Variants in MICAL3 observed in about 807,000 individuals in gnomAD.
MICAL3 encodes the protein microtubule associated monooxygenase, calponin and LIM domain containing 3, also known as [F-actin]-monooxygenase MICAL3.
A neutral mutation model predicts 207.4 loss-of-function variants in MICAL3; 62 were observed. The ratio of observed to expected loss-of-function variants is 0.30; its 90% CI spans 0.24 to 0.37. The LOEUF (loss-of-function observed/expected upper bound fraction) is 0.37, where lower values mean the gene tolerates loss of function less well. Among genes scored for constraint, MICAL3 ranks in the 10% least tolerant of loss-of-function variants. The probability of loss-of-function intolerance (pLI) is 1.00; values close to 1 mark genes in which losing one functional copy is unlikely to be tolerated. For missense variants in MICAL3, 2,368 were observed against 2,635.6 expected, an observed-to-expected ratio of 0.90 and a Z score of 2.22; for synonymous variants, 1,077 against 1,069.3, an observed-to-expected ratio of 1.01 and a Z score of -0.14.
chr22:17,787,727 G>A lies in MICAL3; in HGVS notation c.*3005C>T, dbSNP rs1185186259. 2 of 152,208 alleles carry A rather than the reference G, an allele frequency of 1.3e-5. No individual in the cohort carries two copies. The highest frequency in any genetic ancestry group is 4.8e-5 in the African/African-American group (2 of 41,458). 9.4% of individuals were successfully genotyped at this position (152,208 alleles called of 1,614,324 possible). A position where few individuals can be genotyped will look rare whatever the true frequency, so the allele number is the denominator to read the frequency against. On this transcript the variant is annotated 3_prime_UTR_variant, in exon 32 of 32. Transcript: ENST00000441493. ...CAGATGTTACCACCTTTAAAAAAAT[G>A]TTTTTTAACTCTCCTTTCTGTCCCA...
chr22:17,884,152 A>C, intron 16 of MICAL3: 1 of 576,258 alleles, frequency 1.7e-6, no homozygotes, highest in Non-Finnish European at 3.0e-6. Flanking sequence ...TCGAATGAGC[A>C]GAGATTTCCT....
intron 26 of MICAL3, 56 bp downstream of exon 26, chr22:17,817,255 A>G (rs1327427276): frequency 2.0e-5 from 30 of 1,484,854 alleles, no homozygotes; most frequent in Non-Finnish European, 2.6e-5. Context: ...CAGTGACCCC[A>G]GCCCCTCCCG....
At chr22:17,875,520 T>C in intron 16 of MICAL3, 1 of 1,553,168 alleles carries the variant, frequency 6.4e-7, no homozygotes, top group East Asian at 2.4e-5. Flanking sequence ...CTCCCACTGG[T>C]CGACAAAAAA....
chr22:17,838,032 T>C (rs1272551776), intron 20 of MICAL3, among the ~76,000 whole-genome samples: 1 of 152,176 alleles, frequency 6.6e-6, no homozygotes, highest in African/African-American at 2.4e-5. Context: ...CTTGAACTCC[T>C]AGACACAAGC....
At chr22:17,946,919 G>A (rs1181487257) in intron 1 of MICAL3, among the ~76,000 whole-genome samples, 1 of 150,984 alleles carries the variant, frequency 6.6e-6, no homozygotes, top group Non-Finnish European at 1.5e-5. Flanking sequence ...TGAACCACAT[G>A]ATACCCCTTC....
In MICAL3 at chr22:17,823,028, C is replaced by T; in HGVS notation, c.3226G>A (p.Val1076Met). The change falls in exon 23 of 32, where the codon GTG becomes ATG. Residue 1076 changes from valine to methionine, a missense_variant. Around this residue, in one of 4 missense-constraint regions of MICAL3, gnomAD observed 1,770 missense variants for 1,863.2 expected, o/e 0.95. Coordinates refer to ENST00000441493, the MANE Select transcript of MICAL3 (RefSeq NM_015241.3). ...PLDENDLEED[V>M]DSEPAEIEGE... ...TCTATCTCGGCTGGTTCTGAGTCCA[C>T]ATCTTCCTCTAGGTCATTCTCATCC... 1 of 1,613,746 alleles carries T rather than the reference C, an allele frequency of 6.2e-7. No homozygotes were observed. Among genetic ancestry groups the T allele is most frequent in the Non-Finnish European group, 8.5e-7 (1 of 1,179,668 alleles).
At chr22:17,802,560 G>A (rs185940731) in intron 29 of MICAL3, among the ~76,000 whole-genome samples, 21 of 148,856 alleles carry the variant, frequency 1.4e-4, no homozygotes, top group Admixed American at 1.2e-3. Context: ...GCGTGGGTCC[G>A]TGGGAGCGTG....
At chr22:18,016,255 G>A (rs2146510894) in intron 1 of MICAL3, among the ~76,000 whole-genome samples, 1 of 152,264 alleles carries the variant, frequency 6.6e-6, no homozygotes, top group East Asian at 1.9e-4. Context: ...TTGCACTTTT[G>A]ATTGCTATCA....
chr22:17,919,551 A>G (rs956213058), intron 1 of MICAL3, among the ~76,000 whole-genome samples: 1 of 152,248 alleles, frequency 6.6e-6, no homozygotes, highest in African/African-American at 2.4e-5. Context: ...GAACTGAGTT[A>G]GGATATGAGA....
chr22:17,810,986 G>A (rs915040470), intron 27 of MICAL3, 173 bp from the exon 28 acceptor site: 32 of 580,536 alleles, frequency 5.5e-5, no homozygotes, highest in Non-Finnish European at 3.7e-5. Flanking sequence ...CGGGGGTGCT[G>A]ATAGGCAGAA....
rs1263515664 is a variant in MICAL3 at position 17,819,002 on chromosome 22, T to C, written c.3659A>G (p.His1220Arg). 1.2e-6 allele frequency: 2 copies of C among 1,608,374 alleles called. No homozygotes were observed. Among genetic ancestry groups the C allele is most frequent in the Non-Finnish European group, 1.7e-6 (2 of 1,177,596 alleles). ...ADAPSDLKAV[H>R]SPIRSQPVTL... ...CACTGGCTGTGATCGGATGGGAGAG[T>C]GCACAGCTTTCAGATCCGAGGGGGC... is the stretch of plus-strand genomic sequence containing the variant. The change falls in exon 26 of 32, where the codon CAC (histidine) becomes CGC (arginine). Residue 1220 changes from histidine (H) to arginine (R), a missense_variant. Physicochemically the swap from His to Arg is conservative, Grantham distance 29 (BLOSUM62 0). Coordinates refer to ENST00000441493, the MANE Select transcript of MICAL3 (RefSeq NM_015241.3).
intron 22 of MICAL3, 24 bp downstream of exon 22, chr22:17,827,620 C>T (rs375870961): frequency 4.4e-5 from 67 of 1,538,168 alleles, no homozygotes; most frequent in South Asian, 2.4e-4. Flanking sequence ...GGGCACACTG[C>T]GGCCTGGGGC....
intron 1 of MICAL3, among the ~76,000 whole-genome samples, chr22:18,003,961 G>A (rs1923208372): frequency 6.6e-6 from 1 of 152,080 alleles, no homozygotes; most frequent in Non-Finnish European, 1.5e-5. Context: ...GTAGAGACAG[G>A]GTTTCGCCAT....
chr22:17,981,555 C>T lies in MICAL3; in HGVS notation c.-75+42726G>A, dbSNP rs558580556. Among the ~76,000 whole-genome samples, 8 of 152,132 alleles carry T rather than the reference C, an allele frequency of 5.3e-5. No individual in the cohort carries two copies. The South Asian group carries it at 1.7e-3, about 32-fold the overall frequency. Reference sequence around the variant, plus strand: ...CTTTCTCAATGAACAAAACAATAAACCCAGCCCTAATGTGTTGTGTTTGCG... The same window carrying T: ...CTTTCTCAATGAACAAAACAATAAATCCAGCCCTAATGTGTTGTGTTTGCG... On this transcript the variant is annotated intron_variant, in intron 1 of 31. Coordinates refer to ENST00000441493, the MANE Select transcript of MICAL3 (RefSeq NM_015241.3).
intron 1 of MICAL3, among the ~76,000 whole-genome samples, chr22:17,982,732 A>AAAAAT (rs10684317): frequency 1.3e-4 from 19 of 149,254 alleles, no homozygotes; most frequent in East Asian, 9.7e-4. Flanking sequence ...AACATAACAT[A>AAAAAT]AAAATAAAAT....
At chr22:17,849,644 A>ATGTATGTGTG (rs1925038996) in intron 19 of MICAL3, among the ~76,000 whole-genome samples, 1 of 79,464 alleles carries the variant, frequency 1.3e-5, no homozygotes, top group Non-Finnish European at 2.3e-5. Context: ...CCAGAATGGA[A>ATGTATGTGTG]TGTGTGTGTG....
intron 1 of MICAL3, among the ~76,000 whole-genome samples, chr22:17,966,665 G>GATA (rs1935157220): frequency 1.3e-5 from 2 of 152,154 alleles, no homozygotes; most frequent in African/African-American, 2.4e-5. Flanking sequence ...TGCCAATGGT[G>GATA]ATAAAGACAG....
In MICAL3 at chr22:17,991,479, T is replaced by C. The variant is rs1054768567; in HGVS notation, c.-75+32802A>G. Among the ~76,000 whole-genome samples the C allele has an allele frequency of 1.1e-3, 174 of 152,208 alleles. 1 individual carries two copies. The highest frequency in any genetic ancestry group is 4.1e-3 in the African/African-American group (170 of 41,460). On this transcript the variant is annotated intron_variant, in intron 1 of 31. Coordinates refer to ENST00000441493, the MANE Select transcript of MICAL3 (RefSeq NM_015241.3). ...TTTTGAAGATAAATCCACGTTTCCATACATCAATTTTGCCTGAAGGGTAAG... is the reference window on the plus strand; with the variant it reads ...TTTTGAAGATAAATCCACGTTTCCACACATCAATTTTGCCTGAAGGGTAAG...
At chr22:17,843,739 T>C (rs1314931538) in intron 19 of MICAL3, among the ~76,000 whole-genome samples, 1 of 152,178 alleles carries the variant, frequency 6.6e-6, no homozygotes, top group Non-Finnish European at 1.5e-5. Flanking sequence ...TCCCCACCAC[T>C]GTGTGCATAC....
Sources: allele counts gnomAD v4.1 joint callset (sites outside exome capture counted in the v4.1 genomes callset), GRCh38; gene constraint gnomAD v4.1.1; regional missense constraint gnomAD v4.1.1; transcripts MANE v1.5; gene names NCBI Gene and HGNC (gene_info 2026-07-23, HGNC 2026-07-21).